The following LRRC18 variants were observed in gnomAD, a reference collection of about 807,000 sequenced individuals.
LRRC18 encodes the protein leucine-rich repeat-containing protein 18.
Under a neutral mutation model 11.2 loss-of-function variants are expected in LRRC18, and 12 were observed. The ratio of observed to expected loss-of-function variants is 1.07; its 90% confidence interval spans 0.69 to 1.74. The LOEUF (loss-of-function observed/expected upper bound fraction) is 1.74, where lower values mean the gene tolerates loss of function less well. Among genes scored for constraint, LRRC18 ranks in the 40% most tolerant of loss-of-function variants. LRRC18 has a pLI of 0.00. For missense variants in LRRC18, 374 were observed against 330.5 expected, an observed-to-expected ratio of 1.13 and a Z score of -1.02; for synonymous variants, 155 against 130.6, an observed-to-expected ratio of 1.19 and a Z score of -1.27.
intron 1 of LRRC18, among the ~76,000 whole-genome samples, chr10:48,911,731 A>G (rs1838023588): frequency 6.6e-6 from 1 of 152,250 alleles, no homozygotes; most frequent in Non-Finnish European, 1.5e-5. Context: ...GACATACTGT[A>G]GAATGATGAA....
At chr10:48,913,102 G>A (rs116109383) in intron 1 of LRRC18, among the ~76,000 whole-genome samples, 2,489 of 152,334 alleles carry the variant, frequency 0.016, 72 homozygotes, top group African/African-American at 0.055. Flanking sequence ...AGACAAGAGA[G>A]ATCTGGGGGC....
At chr10:48,913,770 C>G in exon 1 of LRRC18, 2 of 1,614,062 alleles carry the variant, frequency 1.2e-6, no homozygotes, top group South Asian at 2.2e-5. Flanking sequence ...GTGGTTCAAG[C>G]CTAGGTTCAC....
At chr10:48,927,618 C>T in the LRRC18 span, among the ~76,000 whole-genome samples, 2 of 152,114 alleles carry the variant, frequency 1.3e-5, no homozygotes, top group African/African-American at 2.4e-5. Context: ...TTTGTCTGCC[C>T]CTAGTATTAT....
chr10:48,917,433 G>T (rs1838651819), upstream of LRRC18, among the ~76,000 whole-genome samples: 1 of 152,138 alleles, frequency 6.6e-6, no homozygotes, highest in African/African-American at 2.4e-5. Flanking sequence ...GATAAATAAA[G>T]AAATTCACAC....
upstream of LRRC18, among the ~76,000 whole-genome samples, chr10:48,918,341 T>C (rs968602748): frequency 1.3e-5 from 2 of 152,138 alleles, no homozygotes; most frequent in African/African-American, 4.8e-5. Context: ...ATAAAGAAAG[T>C]ATACTTTAAA....
the LRRC18 span, among the ~76,000 whole-genome samples, chr10:48,931,826 A>G: frequency 6.6e-6 from 1 of 152,224 alleles, no homozygotes; most frequent in African/African-American, 2.4e-5. Flanking sequence ...AATAAGAGAG[A>G]TAGCTTTCCT....
At chr10:48,933,744 G>A in the LRRC18 span, among the ~76,000 whole-genome samples, 10 of 152,160 alleles carry the variant, frequency 6.6e-5, no homozygotes, top group South Asian at 2.1e-4. Context: ...GAGAGTTGGC[G>A]ATGGGGCTGG....
At chr10:48,912,314 T>C (rs1056042560) in intron 1 of LRRC18, among the ~76,000 whole-genome samples, 2 of 152,190 alleles carry the variant, frequency 1.3e-5, no homozygotes, top group African/African-American at 4.8e-5. Flanking sequence ...TGCTGCCTGT[T>C]TTAGAGGCAC....
At chr10:48,929,946 C>T in the LRRC18 span, among the ~76,000 whole-genome samples, 1 of 152,130 alleles carries the variant, frequency 6.6e-6, no homozygotes, top group African/African-American at 2.4e-5. Context: ...ACTTCTCCTC[C>T]AATAGCATCT....
At chr10:48,910,395 T>G in intron 1 of LRRC18, 137 bp from the exon 4 acceptor site, 1 of 754,522 alleles carries the variant, frequency 1.3e-6, no homozygotes, top group Non-Finnish European at 2.4e-6. Flanking sequence ...ATGGGGGTTT[T>G]GTTGTATTTG....
the LRRC18 span, among the ~76,000 whole-genome samples, chr10:48,936,173 A>C: frequency 6.6e-6 from 1 of 152,146 alleles, no homozygotes; most frequent in Non-Finnish European, 1.5e-5. Context: ...CAAAAAAAGC[A>C]AAATAAAATG....
At chr10:48,920,257 C>T in the LRRC18 span, among the ~76,000 whole-genome samples, 1 of 151,514 alleles carries the variant, frequency 6.6e-6, no homozygotes, top group African/African-American at 2.4e-5. Flanking sequence ...CACAAAAAAG[C>T]TAGAGCGGAC....
the LRRC18 span, among the ~76,000 whole-genome samples, chr10:48,919,902 A>G: frequency 6.6e-6 from 1 of 152,166 alleles, no homozygotes; most frequent in Non-Finnish European, 1.5e-5. Flanking sequence ...TTCTCAACGT[A>G]TTTTCTGATG....
chr10:48,929,483 G>A, the LRRC18 span, among the ~76,000 whole-genome samples: 1 of 152,122 alleles, frequency 6.6e-6, no homozygotes, highest in Non-Finnish European at 1.5e-5. Flanking sequence ...GATTGGGTGG[G>A]TTAGAGGCTG....
At chr10:48,913,955 G>A in exon 1 of LRRC18, 1 of 1,614,184 alleles carries the variant, frequency 6.2e-7, no homozygotes, top group Admixed American at 1.7e-5. Context: ...TGGAGATGGA[G>A]TCAGGGATCT....
exon 1 of LRRC18, chr10:48,913,973 A>G (rs748127657): frequency 1.4e-5 from 22 of 1,614,158 alleles, no homozygotes; most frequent in Non-Finnish European, 1.9e-5. Flanking sequence ...TCTTCCTGAT[A>G]AGATTCCGGC....
At chr10:48,914,274 G>A (rs1838292969), upstream of LRRC18, 2 of 1,059,652 alleles carry the variant, frequency 1.9e-6, no homozygotes, top group African/African-American at 1.6e-5. Flanking sequence ...AGATGCCAGA[G>A]GGCACTGGGC....
chr10:48,936,180 A>T, the LRRC18 span, among the ~76,000 whole-genome samples: 1 of 152,118 alleles, frequency 6.6e-6, no homozygotes, highest in Non-Finnish European at 1.5e-5. Flanking sequence ...AGCAAAATAA[A>T]ATGACTTCAA....
the LRRC18 span, among the ~76,000 whole-genome samples, chr10:48,935,424 C>T: frequency 3.3e-4 from 50 of 152,354 alleles, 1 homozygote; most frequent in East Asian, 6.0e-3. Context: ...ACCCAGCAGT[C>T]AGTGGGAGAG....
Sources: allele counts gnomAD v4.1 joint callset (sites outside exome capture counted in the v4.1 genomes callset), GRCh38; gene constraint gnomAD v4.1.1; transcripts MANE v1.5; gene names NCBI Gene and HGNC (gene_info 2026-07-23, HGNC 2026-07-21).